Variants in PDGFC observed in about 807,000 individuals in gnomAD.
PDGFC encodes platelet derived growth factor C.
Under a neutral mutation model 35.5 loss-of-function variants are expected in PDGFC, and 12 were observed. The observed-to-expected ratio is 0.34, with a 90% CI of 0.22 to 0.55. The LOEUF (loss-of-function observed/expected upper bound fraction) is 0.55, where lower values mean the gene tolerates loss of function less well. PDGFC is among the 20% of genes least tolerant of loss of function. PDGFC has a pLI of 0.91. For synonymous variants in PDGFC, 159 were observed against 148.8 expected, an observed-to-expected ratio of 1.07 and a Z score of -0.50; for missense variants, 322 against 412.4, an observed-to-expected ratio of 0.78 and a Z score of 1.90.
chr4:156,907,541 G>C (rs145329447), intron 1 of PDGFC, among the ~76,000 whole-genome samples: 2,483 of 152,242 alleles, frequency 0.016, 74 homozygotes, highest in African/African-American at 0.057. Flanking sequence ...GAGACATTGA[G>C]GGCCCCCCAC....
At chr4:156,872,958 G>T (rs1467176551) in intron 1 of PDGFC, among the ~76,000 whole-genome samples, 2 of 152,064 alleles carry the variant, frequency 1.3e-5, no homozygotes, top group African/African-American at 2.4e-5. Flanking sequence ...AGTGAGACCT[G>T]ATTTCTACTG....
At chr4:156,924,774 T>C (rs191747493) in intron 1 of PDGFC, among the ~76,000 whole-genome samples, 32 of 152,268 alleles carry the variant, frequency 2.1e-4, no homozygotes, top group African/African-American at 6.0e-4. Flanking sequence ...GTGGGGAAGC[T>C]TTGGGATAGT....
At position 156,907,618 on chromosome 4, in the gene PDGFC, C is replaced by T. The variant is rs116215915; in HGVS notation, c.119-57202G>A. On this transcript the variant is annotated intron_variant, in intron 1 of 5. Coordinates refer to ENST00000502773, the MANE Select transcript of PDGFC (RefSeq NM_016205.3). ...GGACCTTCAGACTTGTGTGTCAAAT[C>T]TCAGTCGGTGGGTGGAGCTCTTGCC... Among the ~76,000 whole-genome samples, 1,168 of 152,224 alleles carry T rather than the reference C, an allele frequency of 7.7e-3. 13 individuals are homozygous for T. Among genetic ancestry groups the T allele is most frequent in the East Asian group, 0.072 (371 of 5,142 alleles).
chr4:156,786,493 G>A (rs1464852108), intron 3 of PDGFC, among the ~76,000 whole-genome samples: 1 of 152,126 alleles, frequency 6.6e-6, no homozygotes, highest in Non-Finnish European at 1.5e-5. Flanking sequence ...GGAATATCAG[G>A]GCAAATAATC....
At chr4:156,851,930 C>CAAAAAAAAAAAAAAAAAAAAAAAA (rs61505882) in intron 1 of PDGFC, among the ~76,000 whole-genome samples, 10 of 47,852 alleles carry the variant, frequency 2.1e-4, no homozygotes, top group African/African-American at 5.3e-4. Context: ...GACTCCATCT[C>CAAAAAAAAAAAAAAAAAAAAAAAA]AAAAAAAAAA....
intron 2 of PDGFC, among the ~76,000 whole-genome samples, chr4:156,817,662 C>T (rs1732124654): frequency 6.6e-6 from 1 of 152,072 alleles, no homozygotes; most frequent in African/African-American, 2.4e-5. Context: ...CATGGAGTTT[C>T]ATAGGAGAGT....
At chr4:156,952,829 A>T (rs1732115726) in intron 1 of PDGFC, among the ~76,000 whole-genome samples, 1 of 151,914 alleles carries the variant, frequency 6.6e-6, no homozygotes, top group South Asian at 2.1e-4. Flanking sequence ...TTAGACATAA[A>T]CAGATCAGTG....
intron 1 of PDGFC, among the ~76,000 whole-genome samples, chr4:156,851,458 T>C (rs147640560): frequency 8.1e-4 from 124 of 152,292 alleles, no homozygotes; most frequent in African/African-American, 3.0e-3. Flanking sequence ...TCCTCCTTTT[T>C]ATTAAAATGT....
chr4:156,769,982 A>G (rs1226514369), intron 4 of PDGFC, among the ~76,000 whole-genome samples: 1 of 152,030 alleles, frequency 6.6e-6, no homozygotes, highest in Non-Finnish European at 1.5e-5. Context: ...CTCTCAAAGC[A>G]TATTCACCTA....
chr4:156,891,229 G>C (rs551632993), intron 1 of PDGFC, among the ~76,000 whole-genome samples: 1 of 138,898 alleles, frequency 7.2e-6, no homozygotes, highest in Non-Finnish European at 1.5e-5. Context: ...GCAGTGAGCC[G>C]AGATCCCGCC....
intron 1 of PDGFC, among the ~76,000 whole-genome samples, chr4:156,882,807 G>A (rs1269012477): frequency 6.6e-6 from 1 of 152,128 alleles, no homozygotes; most frequent in African/African-American, 2.4e-5. Flanking sequence ...CACTCAGGCT[G>A]GGCATGGTGG....
At chr4:156,957,465 C>T (rs1431369793) in intron 1 of PDGFC, among the ~76,000 whole-genome samples, 1 of 151,860 alleles carries the variant, frequency 6.6e-6, no homozygotes, top group Non-Finnish European at 1.5e-5. Context: ...TCATCTGGGC[C>T]AATTTCTGTG....
intron 2 of PDGFC, among the ~76,000 whole-genome samples, chr4:156,840,443 C>T (rs552233721): frequency 2.5e-4 from 38 of 152,324 alleles, no homozygotes; most frequent in Non-Finnish European, 4.6e-4. Context: ...TCCACTTAGA[C>T]TTTAGAGGAT....
intron 1 of PDGFC, among the ~76,000 whole-genome samples, chr4:156,871,171 A>C (rs975134351): frequency 6.6e-6 from 1 of 152,138 alleles, no homozygotes; most frequent in Non-Finnish European, 1.5e-5. Flanking sequence ...ATGCCAAGAC[A>C]GGGGTTTTAA....
At chr4:156,847,327 G>A (rs1033401393) in intron 2 of PDGFC, among the ~76,000 whole-genome samples, 1 of 151,644 alleles carries the variant, frequency 6.6e-6, no homozygotes. Flanking sequence ...TATGATAAGG[G>A]CATATCACCT....
intron 2 of PDGFC, among the ~76,000 whole-genome samples, chr4:156,812,484 C>T (rs1437350922): frequency 1.3e-5 from 2 of 151,992 alleles, no homozygotes; most frequent in East Asian, 3.9e-4. Context: ...CATTGCAAAA[C>T]TTTTGTTAAA....
In PDGFC at chr4:156,763,173, C is replaced by T; in HGVS notation, c.955G>A (p.Gly319Arg). ...ACGTCGGTGAGTGATTTGTGCAATC[C>T]CCTGACACCGGTCTTTGGTCTCAAC... is the stretch of plus-strand genomic sequence containing the variant. ...LQLRPKTGVR[G>R]LHKSLTDVAL... Residue 319 changes from glycine to arginine, a missense_variant, in exon 6 of 6, where the codon GGA becomes AGA. Gly to Arg is a moderately radical substitution (Grantham distance 125, BLOSUM62 -2). Transcript: ENST00000502773. The T allele has an allele frequency of 6.2e-7, 1 of 1,611,126 alleles. No homozygotes were observed. The highest frequency in any genetic ancestry group is 1.1e-5 in the South Asian group (1 of 90,996).
At chr4:156,930,249 T>C (rs762910374) in intron 1 of PDGFC, among the ~76,000 whole-genome samples, 12 of 152,210 alleles carry the variant, frequency 7.9e-5, no homozygotes, top group Non-Finnish European at 1.5e-4. Context: ...TATATGATTT[T>C]TCCAGGCAGA....
rs567629602 is a variant in PDGFC, at chr4:156,827,213, T to A, written c.315-16196A>T. Among the ~76,000 whole-genome samples, 5 of 152,126 alleles carry A rather than the reference T, an allele frequency of 3.3e-5. No individual in the cohort carries two copies. The South Asian group carries it at 6.2e-4, about 19-fold the overall frequency. Reference sequence around the variant, plus strand: ...TGGGCGGAACACGAGGTCAGGAGATTGAGACCATCCTGGCTAACATGGTGA... The same window carrying A: ...TGGGCGGAACACGAGGTCAGGAGATAGAGACCATCCTGGCTAACATGGTGA... On this transcript the variant is annotated intron_variant, in intron 2 of 5. Coordinates refer to ENST00000502773, the MANE Select transcript of PDGFC (RefSeq NM_016205.3).
Sources: allele counts gnomAD v4.1 joint callset (sites outside exome capture counted in the v4.1 genomes callset), GRCh38; gene constraint gnomAD v4.1.1; transcripts MANE v1.5; gene names NCBI Gene and HGNC (gene_info 2026-07-23, HGNC 2026-07-21).